Variants in KCNIP4 observed in about 807,000 individuals in gnomAD.
The protein encoded by KCNIP4 is potassium voltage-gated channel interacting protein 4.
In KCNIP4, 12 loss-of-function variants were observed where a neutral mutation model predicts 34.0. That is an observed-to-expected ratio of 0.35 (90% CI 0.23 to 0.57). The LOEUF (loss-of-function observed/expected upper bound fraction) is 0.57, where lower values mean the gene tolerates loss of function less well. Among genes scored for constraint, KCNIP4 ranks in the 20% least tolerant of loss-of-function variants. The probability of loss-of-function intolerance (pLI) is 0.83; values close to 1 mark genes in which losing one functional copy is unlikely to be tolerated. For missense variants in KCNIP4, 238 were observed against 311.7 expected (o/e 0.76, Z 1.78); for synonymous variants, 124 against 102.2 (o/e 1.21, Z -1.29).
chr4:21,554,603 TC>T (rs978906377), intron 1 of KCNIP4, among the ~76,000 whole-genome samples: 6 of 152,124 alleles, frequency 3.9e-5, no homozygotes, highest in Admixed American at 3.9e-4. Flanking sequence ...ACTGAACATG[TC>T]ACGAGTTTGC....
intron 1 of KCNIP4, among the ~76,000 whole-genome samples, chr4:21,532,125 C>T (rs369860776): frequency 6.6e-6 from 1 of 151,894 alleles, no homozygotes; most frequent in Admixed American, 6.6e-5. Context: ...AAAACGAAGT[C>T]GCTGTGATAG....
rs150635149 is a variant in KCNIP4, at chr4:21,652,045, C to T, written c.61+296526G>A. On this transcript the variant is annotated intron_variant, in intron 1 of 8. Coordinates refer to ENST00000382152, the MANE Select transcript of KCNIP4 (RefSeq NM_025221.6). ...TGTCTCAGCCCTAACACCGACATTG[C>T]GAAGTTCCAACAGGTCTACACCTCT... Among the ~76,000 whole-genome samples, 404 of 152,218 alleles carry T rather than the reference C, an allele frequency of 2.7e-3. 1 individual carries two copies. The highest frequency in any genetic ancestry group is 7.7e-3 in the African/African-American group (321 of 41,538).
intron 1 of KCNIP4, among the ~76,000 whole-genome samples, chr4:21,690,426 G>T (rs886762945): frequency 3.9e-5 from 6 of 152,124 alleles, no homozygotes; most frequent in Non-Finnish European, 7.3e-5. Flanking sequence ...CATGGGGCTA[G>T]ATCCCTCATG....
At chr4:21,146,262 G>A (rs112540151) in intron 1 of KCNIP4, among the ~76,000 whole-genome samples, 16 of 152,050 alleles carry the variant, frequency 1.1e-4, no homozygotes, top group African/African-American at 3.6e-4. Context: ...GCCAGGCGTG[G>A]TGGCGGGCGC....
intron 1 of KCNIP4, among the ~76,000 whole-genome samples, chr4:21,621,140 T>C (rs1744970481): frequency 6.6e-6 from 1 of 152,190 alleles, no homozygotes; most frequent in African/African-American, 2.4e-5. Context: ...TTGAGGATTG[T>C]TGCAAATAGT....
In KCNIP4 at chr4:21,203,624, C is replaced by T. The variant is rs1189334088; in HGVS notation, c.62-320915G>A. Among the ~76,000 whole-genome samples the T allele has an allele frequency of 2.6e-5, 4 of 152,326 alleles. No individual in the cohort carries two copies. The East Asian group carries it at 7.7e-4, about 29-fold the overall frequency. ...CTGAAAGGCAAGGAATTGCCCTGTT[C>T]TTGCCCCTGCTGGCTCTCACTCTGT... On this transcript the variant is annotated intron_variant, in intron 1 of 8. Transcript: ENST00000382152.
At chr4:21,631,023 A>T (rs1486201878) in intron 1 of KCNIP4, among the ~76,000 whole-genome samples, 1 of 152,148 alleles carries the variant, frequency 6.6e-6, no homozygotes, top group Non-Finnish European at 1.5e-5. Context: ...TACTTTCTAC[A>T]TAGTGTTATT....
At chr4:21,289,944 A>T (rs1029403390) in intron 1 of KCNIP4, among the ~76,000 whole-genome samples, 3 of 152,180 alleles carry the variant, frequency 2.0e-5, no homozygotes, top group African/African-American at 7.2e-5. Flanking sequence ...AATGAAGCAA[A>T]ACACATCAAT....
At chr4:20,744,289 G>C (rs1487539838) in intron 5 of KCNIP4, among the ~76,000 whole-genome samples, 3 of 152,170 alleles carry the variant, frequency 2.0e-5, no homozygotes, top group Non-Finnish European at 2.9e-5. Context: ...AAATCATGCT[G>C]CTTTAAAGAC....
chr4:21,660,877 T>C (rs1748395896), intron 1 of KCNIP4, among the ~76,000 whole-genome samples: 1 of 152,134 alleles, frequency 6.6e-6, no homozygotes, highest in Non-Finnish European at 1.5e-5. Context: ...AAATACTGGT[T>C]AGAAAAGGGA....
At chr4:21,454,394 G>C (rs549307010) in intron 1 of KCNIP4, among the ~76,000 whole-genome samples, 1 of 152,174 alleles carries the variant, frequency 6.6e-6, no homozygotes, top group East Asian at 1.9e-4. Context: ...GCATGTAAAA[G>C]CTTGAGAAGG....
intron 1 of KCNIP4, among the ~76,000 whole-genome samples, chr4:21,867,138 T>A (rs1359494991): frequency 6.6e-6 from 1 of 152,168 alleles, no homozygotes; most frequent in Non-Finnish European, 1.5e-5. Context: ...TTTAAGTATG[T>A]GTCTTTCTTG....
At chr4:20,999,899 C>A (rs189793821) in intron 1 of KCNIP4, among the ~76,000 whole-genome samples, 2 of 152,108 alleles carry the variant, frequency 1.3e-5, no homozygotes, top group Non-Finnish European at 2.9e-5. Context: ...AGAACATGCA[C>A]GTTGCAACTT....
At chr4:20,970,073 C>T (rs893693926) in intron 1 of KCNIP4, among the ~76,000 whole-genome samples, 1 of 151,966 alleles carries the variant, frequency 6.6e-6, no homozygotes, top group African/African-American at 2.4e-5. Context: ...TCCCAAGTAG[C>T]TGGGACTACA....
intron 1 of KCNIP4, among the ~76,000 whole-genome samples, chr4:21,077,160 T>A (rs947199628): frequency 6.6e-6 from 1 of 151,666 alleles, no homozygotes; most frequent in Non-Finnish European, 1.5e-5. Context: ...TAAATAAAAA[T>A]TAAAATTAAA....
At chr4:21,813,472 A>G (rs1350953861) in intron 1 of KCNIP4, among the ~76,000 whole-genome samples, 1 of 152,214 alleles carries the variant, frequency 6.6e-6, no homozygotes, top group African/African-American at 2.4e-5. Flanking sequence ...AGAAGTTGTT[A>G]CCATCCCAGA....
intron 1 of KCNIP4, among the ~76,000 whole-genome samples, chr4:21,077,050 G>C (rs1745552106): frequency 6.6e-6 from 1 of 152,108 alleles, no homozygotes; most frequent in African/African-American, 2.4e-5. Context: ...TCTTGAACCA[G>C]GGAGGTGGAG....
chr4:21,740,384 T>C (rs1716312818), intron 1 of KCNIP4, among the ~76,000 whole-genome samples: 2 of 152,088 alleles, frequency 1.3e-5, no homozygotes, highest in Admixed American at 6.6e-5. Context: ...TTCCCTCTTT[T>C]CATTCCTTTC....
At chr4:21,508,906 G>GTT (rs1734080434) in intron 1 of KCNIP4, among the ~76,000 whole-genome samples, 1 of 44,722 alleles carries the variant, frequency 2.2e-5, no homozygotes, top group African/African-American at 1.4e-4. Context: ...TTAGTTGAGC[G>GTT]CTGTTACTTA....
Sources: allele counts gnomAD v4.1 joint callset (sites outside exome capture counted in the v4.1 genomes callset), GRCh38; gene constraint gnomAD v4.1.1; transcripts MANE v1.5; gene names NCBI Gene and HGNC (gene_info 2026-07-23, HGNC 2026-07-21).